MARCHF1: variants seen among roughly 807,000 people sequenced by gnomAD.
The protein encoded by MARCHF1 is membrane associated ring-CH-type finger 1.
Under a neutral mutation model 54.2 loss-of-function variants are expected in MARCHF1, and 40 were observed. The ratio of observed to expected loss-of-function variants is 0.74; its 90% CI spans 0.57 to 0.96. The LOEUF (loss-of-function observed/expected upper bound fraction) is 0.96, where lower values mean the gene tolerates loss of function less well. MARCHF1 is among the 40% of genes least tolerant of loss of function. The pLI is 0.00. For missense variants in MARCHF1, 586 were observed against 656.5 expected (o/e 0.89, Z 1.17); for synonymous variants, 236 against 236.3 (o/e 1.00, Z 0.01).
At chr4:164,176,986 A>G (rs866302221) in intron 1 of MARCHF1, among the ~76,000 whole-genome samples, 2 of 64,902 alleles carry the variant, frequency 3.1e-5, no homozygotes, top group East Asian at 7.9e-4. Context: ...CTCTCTATAT[A>G]TATATATATA....
chr4:163,774,897 T>C (rs1349667723), intron 4 of MARCHF1, among the ~76,000 whole-genome samples: 1 of 152,170 alleles, frequency 6.6e-6, no homozygotes, highest in Non-Finnish European at 1.5e-5. Flanking sequence ...CTTCAGTATG[T>C]TGGATTACTT....
intron 3 of MARCHF1, among the ~76,000 whole-genome samples, chr4:163,927,319 A>G (rs1240087597): frequency 6.6e-6 from 1 of 151,784 alleles, no homozygotes; most frequent in Non-Finnish European, 1.5e-5. Context: ...AAGAGTTTCA[A>G]TTTTAAATAA....
At chr4:164,157,104 A>G (rs936084024) in intron 1 of MARCHF1, among the ~76,000 whole-genome samples, 1 of 152,120 alleles carries the variant, frequency 6.6e-6, no homozygotes, top group Non-Finnish European at 1.5e-5. Flanking sequence ...ATGCACATTT[A>G]AATGTATTTA....
chr4:163,575,715 A>G (rs1010612740), intron 8 of MARCHF1, among the ~76,000 whole-genome samples: 1 of 151,640 alleles, frequency 6.6e-6, no homozygotes, highest in Admixed American at 6.6e-5. Context: ...TACTGATTCA[A>G]TTTCAGAACT....
intron 4 of MARCHF1, among the ~76,000 whole-genome samples, chr4:163,816,648 C>T (rs924451684): frequency 1.3e-5 from 2 of 152,062 alleles, no homozygotes; most frequent in Admixed American, 1.3e-4. Context: ...TGACCACAGC[C>T]TTTTGAGATA....
chr4:163,842,163 G>A (rs1749359343), intron 4 of MARCHF1, among the ~76,000 whole-genome samples: 1 of 152,052 alleles, frequency 6.6e-6, no homozygotes, highest in Non-Finnish European at 1.5e-5. Context: ...CTCCAGAAAT[G>A]TAGTGGATAA....
intron 3 of MARCHF1, among the ~76,000 whole-genome samples, chr4:163,870,320 C>T (rs528863303): frequency 9.9e-5 from 15 of 152,144 alleles, no homozygotes; most frequent in African/African-American, 3.6e-4. Flanking sequence ...AAAGGTTTAT[C>T]TTTCAAACTG....
chr4:164,049,023 C>A (rs763514147), intron 2 of MARCHF1, among the ~76,000 whole-genome samples: 1 of 152,138 alleles, frequency 6.6e-6, no homozygotes, highest in African/African-American at 2.4e-5. Flanking sequence ...ATATAAAATA[C>A]TAGTGATTAC....
At chr4:164,223,482 T>G (rs1579636796) in intron 1 of MARCHF1, among the ~76,000 whole-genome samples, 1 of 152,090 alleles carries the variant, frequency 6.6e-6, no homozygotes, top group South Asian at 2.1e-4. Context: ...GAGAAGCAAG[T>G]GAAAAATATT....
chr4:164,003,894 C>G (rs1753233862), intron 2 of MARCHF1, among the ~76,000 whole-genome samples: 1 of 152,048 alleles, frequency 6.6e-6, no homozygotes, highest in Non-Finnish European at 1.5e-5. Context: ...CCCAAATGCC[C>G]CACAATGATA....
Position 163,612,623 on chromosome 4 carries a change from G to C in MARCHF1, c.658C>G (p.Gln220Glu), listed in dbSNP as rs1741381588. The C allele has an allele frequency of 1.3e-6, 2 of 1,535,526 alleles. No homozygotes were observed. The highest frequency in any genetic ancestry group is 1.7e-6 in the Non-Finnish European group (2 of 1,146,552). Residue 220 changes from glutamine (Q) to glutamate (E), a missense_variant, in exon 7 of 10, where the codon CAA becomes GAA. Physicochemically the swap from Gln to Glu is conservative, Grantham distance 29. Transcript: ENST00000514618. ...VDLGSKGKEQ[Q>E]ELIECESCSL... ...CAACTCTCACATTCAATCAGCTCTT[G>C]TTGCTCTTTACCTTTGGATCCCAGA...
chr4:164,252,563 T>C (rs933347709), intron 1 of MARCHF1, among the ~76,000 whole-genome samples: 3 of 152,028 alleles, frequency 2.0e-5, no homozygotes, highest in Non-Finnish European at 4.4e-5. Flanking sequence ...GAGTTCAGCC[T>C]CAGAACAAAG....
chr4:164,010,280 G>A (rs1392849284), intron 2 of MARCHF1, among the ~76,000 whole-genome samples: 1 of 148,304 alleles, frequency 6.7e-6, no homozygotes, highest in Non-Finnish European at 1.5e-5. Context: ...TGTATTTTTA[G>A]TAGAGATGGG....
At chr4:164,170,920 A>T (rs1188945752) in intron 1 of MARCHF1, among the ~76,000 whole-genome samples, 2 of 152,158 alleles carry the variant, frequency 1.3e-5, no homozygotes, top group Admixed American at 6.5e-5. Context: ...ATTCATGAGT[A>T]ATTATGACGG....
chr4:163,650,512 G>C (rs998490549), intron 5 of MARCHF1, among the ~76,000 whole-genome samples: 1 of 150,170 alleles, frequency 6.7e-6, no homozygotes, highest in Admixed American at 6.6e-5. Flanking sequence ...AATACTGCCT[G>C]CATTATATGT....
intron 4 of MARCHF1, among the ~76,000 whole-genome samples, chr4:163,771,148 G>C (rs1215802881): frequency 6.6e-6 from 1 of 152,064 alleles, no homozygotes; most frequent in Non-Finnish European, 1.5e-5. Flanking sequence ...ATGTATCCTT[G>C]AATTTAAGAG....
chr4:163,874,721 G>A (rs1359278289), intron 3 of MARCHF1, among the ~76,000 whole-genome samples: 9 of 151,956 alleles, frequency 5.9e-5, no homozygotes, highest in Non-Finnish European at 8.8e-5. Context: ...ATTATGGGCC[G>A]AGCTATATTT....
intron 8 of MARCHF1, among the ~76,000 whole-genome samples, chr4:163,546,364 T>C (rs1291675861): frequency 1.3e-5 from 2 of 152,242 alleles, no homozygotes; most frequent in Non-Finnish European, 2.9e-5. Context: ...TTTGCAAGTC[T>C]ATAGTTTCCT....
intron 2 of MARCHF1, among the ~76,000 whole-genome samples, chr4:164,104,180 A>G (rs2111165482): frequency 6.8e-6 from 1 of 146,496 alleles, no homozygotes; most frequent in South Asian, 2.2e-4. Context: ...GAATTCTACC[A>G]GAGGTACAAG....
Sources: allele counts gnomAD v4.1 joint callset (sites outside exome capture counted in the v4.1 genomes callset), GRCh38; gene constraint gnomAD v4.1.1; transcripts MANE v1.5; gene names NCBI Gene and HGNC (gene_info 2026-07-23, HGNC 2026-07-21).